The following DCDC2 variants were observed in gnomAD, a reference collection of about 807,000 sequenced individuals.
DCDC2 encodes doublecortin domain containing 2, also known as doublecortin domain-containing protein 2.
Under a neutral mutation model 50.2 loss-of-function variants are expected in DCDC2, and 40 were observed. The observed-to-expected ratio is 0.80, with a 90% confidence interval of 0.62 to 1.04. The LOEUF (loss-of-function observed/expected upper bound fraction) is 1.04, where lower values mean the gene tolerates loss of function less well. Ranked by LOEUF, DCDC2 falls within the 50% of genes least tolerant of loss-of-function variation. DCDC2 has a pLI of 0.00. For missense variants in DCDC2, 570 were observed against 581.9 expected (o/e 0.98, Z 0.21); for synonymous variants, 234 against 210.6 (o/e 1.11, Z -0.96).
intron 7 of DCDC2, among the ~76,000 whole-genome samples, chr6:24,236,955 G>A (rs1186394893): frequency 6.6e-6 from 1 of 151,692 alleles, no homozygotes; most frequent in Non-Finnish European, 1.5e-5. Context: ...GTTGTAGTGA[G>A]CCAAGATTGC....
chr6:24,252,720 C>T (rs1581612695), intron 7 of DCDC2, among the ~76,000 whole-genome samples: 1 of 152,298 alleles, frequency 6.6e-6, no homozygotes, highest in East Asian at 1.9e-4. Context: ...AATACACTGA[C>T]ACAGCACTCA....
At chr6:24,209,002 C>G (rs2113764925) in intron 7 of DCDC2, among the ~76,000 whole-genome samples, 1 of 152,262 alleles carries the variant, frequency 6.6e-6, no homozygotes, top group East Asian at 1.9e-4. Context: ...GTAAATTAGG[C>G]CTTAAATTAG....
chr6:24,311,885 G>GTC (rs751861741), intron 2 of DCDC2, among the ~76,000 whole-genome samples: 9 of 152,166 alleles, frequency 5.9e-5, no homozygotes, highest in Non-Finnish European at 1.3e-4. Context: ...ACAACCTGAT[G>GTC]TCAGGCCTCT....
At chr6:24,229,490 C>A (rs529842930) in intron 7 of DCDC2, among the ~76,000 whole-genome samples, 1 of 152,180 alleles carries the variant, frequency 6.6e-6, no homozygotes, top group South Asian at 2.1e-4. Flanking sequence ...TGCCGTGTAA[C>A]ATTTATCCAC....
chr6:24,265,248 C>T (rs1482332407), intron 7 of DCDC2, among the ~76,000 whole-genome samples: 1 of 152,082 alleles, frequency 6.6e-6, no homozygotes, highest in Non-Finnish European at 1.5e-5. Context: ...CATACTCATC[C>T]AATACTGAAG....
At chr6:24,190,191 C>A (rs1026644446) in intron 8 of DCDC2, among the ~76,000 whole-genome samples, 3 of 152,046 alleles carry the variant, frequency 2.0e-5, no homozygotes, top group Non-Finnish European at 2.9e-5. Context: ...TGGCCAGTCA[C>A]CTGGAAGCTG....
intron 6 of DCDC2, among the ~76,000 whole-genome samples, chr6:24,278,550 G>A (rs902140796): frequency 7.9e-5 from 12 of 152,096 alleles, no homozygotes; most frequent in African/African-American, 2.4e-4. Flanking sequence ...CTATTACCAC[G>A]TCACTGTAGA....
At position 24,291,885 on chromosome 6, in the gene DCDC2, T is replaced by A. The variant is rs191276554; in HGVS notation, c.558-807A>T. The stretch of plus-strand genomic sequence containing the variant: ...AACAGCCCTCAACCAAAATATTACA[T>A]ACAAACACACAGAGAACCGGGTCAG... On this transcript the variant is annotated intron_variant, in intron 4 of 9. Transcript: ENST00000378454. Among the ~76,000 whole-genome samples the A allele has an allele frequency of 1.2e-3, 185 of 152,262 alleles. 1 individual carries two copies. The highest frequency in any genetic ancestry group is 3.2e-4 in the Non-Finnish European group (22 of 68,022).
intron 8 of DCDC2, among the ~76,000 whole-genome samples, chr6:24,190,416 T>C (rs1281572506): frequency 5.3e-5 from 8 of 152,118 alleles, no homozygotes; most frequent in Admixed American, 5.2e-4. Context: ...CATTAGGAGA[T>C]ATACCTAATG....
At chr6:24,193,508 G>A (rs1213571096) in intron 8 of DCDC2, among the ~76,000 whole-genome samples, 1 of 152,140 alleles carries the variant, frequency 6.6e-6, no homozygotes, top group Non-Finnish European at 1.5e-5. Context: ...GTAAGTTCTT[G>A]CAGAGTTTGG....
intron 7 of DCDC2, among the ~76,000 whole-genome samples, chr6:24,275,334 A>G (rs1363533239): frequency 1.3e-5 from 2 of 152,214 alleles, no homozygotes. Context: ...AAATTGCTCA[A>G]TTTTCAGTAG....
intron 7 of DCDC2, among the ~76,000 whole-genome samples, chr6:24,276,861 GA>G (rs200004597): frequency 0.036 from 5,281 of 145,344 alleles, 170 homozygotes; most frequent in African/African-American, 0.089. Context: ...TAGAGCTAAA[GA>G]AAAAAAAAAA....
chr6:24,380,888 A>G, the DCDC2 span, among the ~76,000 whole-genome samples: 1 of 152,164 alleles, frequency 6.6e-6, no homozygotes, highest in South Asian at 2.1e-4. Context: ...ATTCAAGACC[A>G]GCTTGGACAA....
intron 6 of DCDC2, among the ~76,000 whole-genome samples, chr6:24,281,520 G>A (rs1763471679): frequency 1.3e-5 from 2 of 148,590 alleles, no homozygotes; most frequent in Middle Eastern, 3.5e-3. Flanking sequence ...GGAGGGTGAA[G>A]GGGGAGAAGA....
intron 7 of DCDC2, among the ~76,000 whole-genome samples, chr6:24,217,872 T>G (rs987073978): frequency 2.0e-5 from 3 of 152,216 alleles, no homozygotes; most frequent in African/African-American, 7.2e-5. Context: ...GAAGTTATAA[T>G]GTACTCAGTT....
chr6:24,311,486 A>C (rs1310023749), intron 2 of DCDC2, among the ~76,000 whole-genome samples: 1 of 152,210 alleles, frequency 6.6e-6, no homozygotes, highest in African/African-American at 2.4e-5. Flanking sequence ...TTGAGCATAT[A>C]TTATGCCCAG....
intron 7 of DCDC2, among the ~76,000 whole-genome samples, chr6:24,270,375 C>T (rs536836936): frequency 6.6e-6 from 1 of 152,284 alleles, no homozygotes; most frequent in African/African-American, 2.4e-5. Context: ...TGTTCTAAAG[C>T]ATGGGTATCA....
At chr6:24,186,175 A>T (rs1761198767) in intron 8 of DCDC2, among the ~76,000 whole-genome samples, 1 of 152,272 alleles carries the variant, frequency 6.6e-6, no homozygotes, top group South Asian at 2.1e-4. Flanking sequence ...GATAATTTCC[A>T]TAAATTAGTA....
chr6:24,213,216 G>T (rs914594146), intron 7 of DCDC2, among the ~76,000 whole-genome samples: 137 of 152,148 alleles, frequency 9.0e-4, no homozygotes, highest in African/African-American at 2.9e-3. Flanking sequence ...GGATGAGTAA[G>T]AAGAAAACTA....
Sources: gnomAD v4.1 joint callset for allele counts (sites outside exome capture counted in the v4.1 genomes callset) on GRCh38, gnomAD v4.1.1 for gene constraint, MANE v1.5 for transcripts, NCBI Gene and HGNC (gene_info 2026-07-23, HGNC 2026-07-21) for gene names.